The following CELF2 variants were observed in gnomAD, a reference collection of about 807,000 sequenced individuals.
CELF2 encodes CUG triplet repeat RNA-binding protein 2.
In CELF2, 8 loss-of-function variants were observed where a neutral mutation model predicts 62.6. The observed-to-expected ratio is 0.13, with a 90% CI of 0.07 to 0.23. The LOEUF (loss-of-function observed/expected upper bound fraction) is 0.23. CELF2 is among the 10% of genes least tolerant of loss of function. The pLI, the probability that CELF2 is intolerant of heterozygous loss-of-function variation, is 1.00. For synonymous variants in CELF2, 258 were observed against 250.0 expected, an observed-to-expected ratio of 1.03 and a Z score of -0.30; for missense variants, 333 against 671.0, an observed-to-expected ratio of 0.50 and a Z score of 5.56.
At chr10:10,836,938 A>C (rs1349286626) in intron 1 of CELF2, among the ~76,000 whole-genome samples, 4 of 152,182 alleles carry the variant, frequency 2.6e-5, no homozygotes, top group African/African-American at 4.8e-5. Context: ...CCTGGCCTGT[A>C]GCCTCATTTT....
At chr10:10,488,201 A>G in the CELF2 span, among the ~76,000 whole-genome samples, 6 of 152,164 alleles carry the variant, frequency 3.9e-5, no homozygotes, top group African/African-American at 1.2e-4. Flanking sequence ...TTTCAATGCA[A>G]TCTAATGGAG....
intron 1 of CELF2, among the ~76,000 whole-genome samples, chr10:10,841,209 A>G (rs1013454468): frequency 6.6e-6 from 1 of 152,160 alleles, no homozygotes; most frequent in African/African-American, 2.4e-5. Flanking sequence ...TATATCCAGT[A>G]ATGGGATTGC....
intron 2 of CELF2, among the ~76,000 whole-genome samples, chr10:10,984,559 G>T (rs1020611456): frequency 2.0e-5 from 3 of 152,126 alleles, no homozygotes; most frequent in African/African-American, 4.8e-5. Flanking sequence ...ATAGAGAAAG[G>T]TACACTTTGA....
the CELF2 span, among the ~76,000 whole-genome samples, chr10:10,503,324 T>C: frequency 6.6e-6 from 1 of 152,014 alleles, no homozygotes; most frequent in East Asian, 1.9e-4. Context: ...GAAAGCAGAA[T>C]GTTAAAGTCT....
At chr10:10,979,901 CT>C (rs2051864150) in intron 2 of CELF2, among the ~76,000 whole-genome samples, 1 of 152,092 alleles carries the variant, frequency 6.6e-6, no homozygotes, top group Non-Finnish European at 1.5e-5. Context: ...TGTTCTGTTC[CT>C]TTTTGATAAG....
chr10:10,565,080 C>A, the CELF2 span, among the ~76,000 whole-genome samples: 5 of 152,280 alleles, frequency 3.3e-5, no homozygotes, highest in African/African-American at 9.6e-5. Flanking sequence ...GGCCTGGCTC[C>A]AGAGCCCATG....
chr10:10,508,610 TC>T, the CELF2 span, among the ~76,000 whole-genome samples: 1 of 152,128 alleles, frequency 6.6e-6, no homozygotes, highest in Non-Finnish European at 1.5e-5. Flanking sequence ...TGTGTGTATG[TC>T]TTATTGATCA....
In CELF2 at chr10:11,110,051, G is replaced by A. The variant is rs1028498934; in HGVS notation, c.75-55435G>A. On this transcript the variant is annotated intron_variant, in intron 1 of 12. Transcript: ENST00000633077. The surrounding 1 kb of genome is among the most constrained non-coding windows in gnomAD (Gnocchi z 4.0). ...AGGCAGGAGGATGGCTTGAGCTCGG[G>A]AGTTTGAGACCAGCTTGGGCAACAT... Among the ~76,000 whole-genome samples the A allele has an allele frequency of 1.3e-5, 2 of 152,142 alleles. No homozygotes were observed. The highest frequency in any genetic ancestry group is 4.8e-5 in the African/African-American group (2 of 41,414).
At chr10:11,066,306 A>G (rs1283770601) in intron 1 of CELF2, among the ~76,000 whole-genome samples, 1 of 151,998 alleles carries the variant, frequency 6.6e-6, no homozygotes, top group Non-Finnish European at 1.5e-5. Flanking sequence ...TGAAAATTGT[A>G]ACAGCAATAG....
chr10:11,063,850 ACT>A (rs1400491768), intron 1 of CELF2, among the ~76,000 whole-genome samples: 1 of 152,050 alleles, frequency 6.6e-6, no homozygotes, highest in Admixed American at 6.5e-5. Context: ...ATTAAGTTGG[ACT>A]CTCTAAAAGG....
At chr10:10,746,142 C>T in the CELF2 span, among the ~76,000 whole-genome samples, 5 of 152,204 alleles carry the variant, frequency 3.3e-5, no homozygotes, top group Non-Finnish European at 5.9e-5. Context: ...CACCTCCTTG[C>T]TTTTCACAGC....
At chr10:10,841,359 C>G (rs1222738131) in intron 1 of CELF2, among the ~76,000 whole-genome samples, 1 of 148,558 alleles carries the variant, frequency 6.7e-6, no homozygotes, top group Non-Finnish European at 1.5e-5. Flanking sequence ...AAAAAAAAAC[C>G]TCTTCATCAC....
the CELF2 span, among the ~76,000 whole-genome samples, chr10:10,560,738 A>G: frequency 6.6e-6 from 1 of 152,256 alleles, no homozygotes. Flanking sequence ...TTATAGCAGC[A>G]TAAGTCACAA....
chr10:10,966,548 C>G (rs1055919545), intron 2 of CELF2: 3 of 152,162 alleles, frequency 2.0e-5, no homozygotes, highest in Non-Finnish European at 2.9e-5. Context: ...CTACCATTTT[C>G]CTTTTTTATG....
intron 3 of CELF2, among the ~76,000 whole-genome samples, chr10:11,235,908 A>T (rs1313783627): frequency 1.3e-5 from 2 of 152,168 alleles, no homozygotes; most frequent in African/African-American, 2.4e-5. Flanking sequence ...TACCCTAGTT[A>T]TGTTTTCATT....
the CELF2 span, among the ~76,000 whole-genome samples, chr10:10,656,006 G>A: frequency 6.8e-6 from 1 of 147,786 alleles, no homozygotes; most frequent in African/African-American, 2.5e-5. Flanking sequence ...AATCTACAAT[G>A]AACTCAAACA....
At chr10:10,808,672 G>A (rs901224658) in intron 1 of CELF2, among the ~76,000 whole-genome samples, 1 of 152,138 alleles carries the variant, frequency 6.6e-6, no homozygotes, top group East Asian at 1.9e-4. Context: ...AAAAACCTTA[G>A]TTCTTTTTAA....
chr10:10,809,195 T>TCTCTCTCTGCCTCCCTCTC (rs2055577272), intron 1 of CELF2, among the ~76,000 whole-genome samples: 1 of 151,578 alleles, frequency 6.6e-6, no homozygotes, highest in African/African-American at 2.4e-5. Context: ...GCCTCCCTCT[T>TCTCTCTCTGCCTCCCTCTC]TCTCTCTCTT....
At chr10:10,706,213 T>G in the CELF2 span, among the ~76,000 whole-genome samples, 5 of 152,212 alleles carry the variant, frequency 3.3e-5, no homozygotes, top group African/African-American at 1.2e-4. Context: ...TTACATGTAC[T>G]TTTCTCAGTA....
Sources: gnomAD v4.1 joint callset for allele counts (sites outside exome capture counted in the v4.1 genomes callset) on GRCh38, gnomAD v4.1.1 for gene constraint, Gnocchi (gnomAD v3.1) non-coding constraint, MANE v1.5 for transcripts, NCBI Gene and HGNC (gene_info 2026-07-23, HGNC 2026-07-21) for gene names.